The following KCNQ4 variants were observed in gnomAD, a reference collection of about 807,000 sequenced individuals.
The protein encoded by KCNQ4 is potassium voltage-gated channel subfamily KQT member 4.
KCNQ4 carries 31 observed loss-of-function variants against 72.6 expected under a neutral mutation model. The ratio of observed to expected loss-of-function variants is 0.43; its 90% CI spans 0.32 to 0.58. KCNQ4 has a LOEUF of 0.58. Ranked by LOEUF, KCNQ4 falls within the 20% of genes least tolerant of loss-of-function variation. The probability of loss-of-function intolerance (pLI) is 0.08; values close to 1 mark genes in which losing one functional copy is unlikely to be tolerated. For missense variants in KCNQ4, 869 were observed against 962.6 expected, an observed-to-expected ratio of 0.90 and a Z score of 1.29; for synonymous variants, 405 against 403.7, an observed-to-expected ratio of 1.00 and a Z score of -0.04.
chr1:40,784,105 C>T lies in KCNQ4; in HGVS notation c.12C>T (p.Ala4=). The T allele has an allele frequency of 1.4e-5, 7 of 502,682 alleles. No individual in the cohort carries two copies. The highest frequency in any genetic ancestry group is 1.5e-5 in the Non-Finnish European group (6 of 388,078). The allele number at this position is 502,682 out of a possible 1,614,324, so 31.1% of individuals were successfully genotyped here. The change falls in exon 1 of 14, where the codon GCC becomes GCT. Residue 4 remains alanine, a synonymous_variant. Transcript: ENST00000347132. The surrounding 1 kb of genome is among the most constrained non-coding windows in gnomAD (Gnocchi z 4.1). Reference sequence around the variant, plus strand: ...GCCCGGCGCCGCCCATGGCCGAGGCCCCCCCGCGCCGCCTCGGCCTGGGTC... The same window carrying T: ...GCCCGGCGCCGCCCATGGCCGAGGCTCCCCCGCGCCGCCTCGGCCTGGGTC... MAE[A]PPRRLGLGPP...
chr1:40,822,417 G>A lies in KCNQ4; in HGVS notation c.1130+15G>A, dbSNP rs1243852268. 1.4e-6 allele frequency: 2 copies of A among 1,390,742 alleles called. No homozygotes were observed. Among genetic ancestry groups the A allele is most frequent in the Non-Finnish European group, 1.0e-6 (1 of 986,184 alleles). The allele number at this position is 1,390,742 out of a possible 1,614,324, so 86.2% of individuals were successfully genotyped here. A position where few individuals can be genotyped will look rare whatever the true frequency, so the allele number is the denominator to read the frequency against. On this transcript the variant is annotated intron_variant, in intron 8 of 13. Coordinates refer to ENST00000347132, the MANE Select transcript of KCNQ4 (RefSeq NM_004700.4). ...CCATCCTTCAGGTAGGTCCTGCTGG[G>A]GGTGGGGGTGGGTGGGGGGCTGGCA...
chr1:40,812,085 G>T (rs1647947638), intron 1 of KCNQ4, among the ~76,000 whole-genome samples: 1 of 152,120 alleles, frequency 6.6e-6, no homozygotes, highest in South Asian at 2.1e-4. Context: ...CCTGTGTGAG[G>T]ACCACCCCCA....
At position 40,824,312 on chromosome 1, in the gene KCNQ4, T is replaced by C; in HGVS notation, c.1292+54T>C. 5.1e-6 allele frequency: 8 copies of C among 1,557,436 alleles called. 1 individual carries two copies. The South Asian group carries it at 9.3e-5, about 18-fold the overall frequency. ...TCTTGCTTCTCCTCCTCTTCTTCCA[T>C]TCTCTGTCTTCATCCTCTCTCAGAC... On this transcript the variant is annotated intron_variant, in intron 9 of 13. Coordinates refer to ENST00000347132, the MANE Select transcript of KCNQ4 (RefSeq NM_004700.4).
chr1:40,802,356 G>A (rs377403153), intron 1 of KCNQ4, among the ~76,000 whole-genome samples: 45 of 152,108 alleles, frequency 3.0e-4, no homozygotes, highest in South Asian at 1.0e-3. Context: ...CTTTCAGGCC[G>A]CCGCGTTTTC....
At chr1:40,811,177 G>A (rs966821978) in intron 1 of KCNQ4, among the ~76,000 whole-genome samples, 1 of 152,132 alleles carries the variant, frequency 6.6e-6, no homozygotes, top group Non-Finnish European at 1.5e-5. Context: ...CCAATAGGAA[G>A]CCTTTGGCCA....
intron 1 of KCNQ4, among the ~76,000 whole-genome samples, chr1:40,809,063 C>A (rs566582912): frequency 5.9e-5 from 9 of 152,294 alleles, no homozygotes; most frequent in African/African-American, 1.9e-4. Flanking sequence ...ATCCAGAGGA[C>A]ATTTTTCACG....
chr1:40,835,174 C>T, intron 12 of KCNQ4, 76 bp downstream of exon 12: 1 of 1,540,662 alleles, frequency 6.5e-7, no homozygotes, highest in Non-Finnish European at 8.8e-7. Flanking sequence ...CTGAGGCCAA[C>T]CCCCGAGCAC....
intron 1 of KCNQ4, among the ~76,000 whole-genome samples, chr1:40,814,640 G>C (rs747962051): frequency 1.2e-4 from 19 of 152,068 alleles, no homozygotes; most frequent in Non-Finnish European, 4.4e-5. Context: ...GGAGGTCAAG[G>C]CTACAGTGAG....
At position 40,784,423 on chromosome 1, in the gene KCNQ4, CG is replaced by C; in HGVS notation, c.314+17del. On this transcript the variant is annotated intron_variant, in intron 1 of 13. Coordinates refer to ENST00000347132, the MANE Select transcript of KCNQ4 (RefSeq NM_004700.4). This position sits in a 1 kb window ranked among gnomAD's most constrained non-coding sequence, Gnocchi z 4.1. ...ACGTCTTCATGTGAGTTTGCGACCC[CG>C]CGCCCTTCCGCGTTTCCCCGCGCAA... The C allele has an allele frequency of 6.2e-7, 1 of 1,604,132 alleles. No homozygotes were observed.
At chr1:40,824,292 C>G (rs1414697914) in intron 9 of KCNQ4, 34 bp downstream of exon 9, 1 of 1,590,836 alleles carries the variant, frequency 6.3e-7, no homozygotes, top group South Asian at 1.1e-5. Flanking sequence ...CCTCCTCTTG[C>G]TTCTCCTCCT....
At chr1:40,812,818 A>G (rs906268787) in intron 1 of KCNQ4, among the ~76,000 whole-genome samples, 1 of 152,152 alleles carries the variant, frequency 6.6e-6, no homozygotes, top group African/African-American at 2.4e-5. Flanking sequence ...TTGGCTTGGT[A>G]ACATGGTGTT....
chr1:40,819,132 G>T, intron 4 of KCNQ4: 1 of 559,894 alleles, frequency 1.8e-6, no homozygotes, highest in Non-Finnish European at 3.2e-6. Flanking sequence ...CAGGCGGGGT[G>T]AGGGTGGGGG....
chr1:40,792,262 A>T (rs570904134), intron 1 of KCNQ4, among the ~76,000 whole-genome samples: 1 of 152,244 alleles, frequency 6.6e-6, no homozygotes, highest in Non-Finnish European at 1.5e-5. Flanking sequence ...GCACAATCTC[A>T]GGCGCCTTCG....
At chr1:40,789,657 G>A (rs1212182619) in intron 1 of KCNQ4, among the ~76,000 whole-genome samples, 6 of 152,068 alleles carry the variant, frequency 3.9e-5, no homozygotes, top group Admixed American at 2.0e-4. Flanking sequence ...TCCATAGTAC[G>A]TTCATTCTTC....
At chr1:40,832,576 C>T (rs115315429) in intron 10 of KCNQ4, among the ~76,000 whole-genome samples, 2,166 of 152,342 alleles carry the variant, frequency 0.014, 29 homozygotes, top group Non-Finnish European at 0.019. Context: ...CAGAGCTGGG[C>T]CTGGGAGCCA....
chr1:40,832,978 T>A, intron 10 of KCNQ4, 36 bp from the exon 11 acceptor site: 3 of 1,503,586 alleles, frequency 2.0e-6, no homozygotes, highest in Non-Finnish European at 2.8e-6. Context: ...GAGTGGCCCC[T>A]TTGGTGGGCC....
At chr1:40,785,494 C>G (rs779580404) in intron 1 of KCNQ4, among the ~76,000 whole-genome samples, 12 of 152,246 alleles carry the variant, frequency 7.9e-5, no homozygotes, top group Non-Finnish European at 1.5e-5. Flanking sequence ...ACCTGACTGT[C>G]TAGCAGCCCT....
intron 1 of KCNQ4, among the ~76,000 whole-genome samples, chr1:40,802,120 T>C (rs1181446134): frequency 6.6e-6 from 1 of 152,178 alleles, no homozygotes; most frequent in African/African-American, 2.4e-5. Context: ...GTATGGTCGG[T>C]GTGTCTTCTC....
Position 40,819,943 on chromosome 1 carries a change from T to C in KCNQ4, c.903T>C (p.Ala301=). The change falls in exon 6 of 14, where the codon GCT becomes GCC. Residue 301 remains alanine (A), a synonymous_variant. Transcript: ENST00000347132. The stretch of plus-strand genomic sequence containing the variant: ...CATGGCTGGGCAGGGTCCTGGCTGC[T>C]GGCTTCGCCTTACTGGGCATCTCTT... ...PHTWLGRVLA[A]GFALLGISFF... The C allele has an allele frequency of 6.2e-7, 1 of 1,614,246 alleles. No individual in the cohort carries two copies. The highest frequency in any genetic ancestry group is 8.5e-7 in the Non-Finnish European group (1 of 1,180,024).
Sources: allele counts gnomAD v4.1 joint callset (sites outside exome capture counted in the v4.1 genomes callset), GRCh38; gene constraint gnomAD v4.1.1; non-coding constraint Gnocchi (gnomAD v3.1); transcripts MANE v1.5; gene names NCBI Gene and HGNC (gene_info 2026-07-23, HGNC 2026-07-21).